SPAG1: variants seen among roughly 807,000 people sequenced by gnomAD.
SPAG1 encodes the protein sperm-associated antigen 1.
A neutral mutation model predicts 100.5 loss-of-function variants in SPAG1; 69 were observed. The observed-to-expected ratio is 0.69, with a 90% CI of 0.57 to 0.84. The LOEUF is 0.84. Among genes scored for constraint, SPAG1 ranks in the 40% least tolerant of loss-of-function variants. SPAG1 has a pLI of 0.00. For synonymous variants in SPAG1, 336 were observed against 411.6 expected, an observed-to-expected ratio of 0.82 and a Z score of 2.22; for missense variants, 955 against 1,133.1, an observed-to-expected ratio of 0.84 and a Z score of 2.26.
At chr8:100,176,967 T>G (rs1816158741) in intron 3 of SPAG1, among the ~76,000 whole-genome samples, 1 of 151,416 alleles carries the variant, frequency 6.6e-6, no homozygotes, top group Non-Finnish European at 1.5e-5. Context: ...TTTCTTTCTT[T>G]TTTTTCAATG....
chr8:100,169,496 T>A (rs1462902794), intron 3 of SPAG1, among the ~76,000 whole-genome samples: 2 of 152,180 alleles, frequency 1.3e-5, no homozygotes. Context: ...TCCAGCACTT[T>A]GGGAGGCTGA....
intron 15 of SPAG1, chr8:100,233,030 A>T (rs1818848151): frequency 3.7e-6 from 1 of 270,356 alleles, no homozygotes; most frequent in South Asian, 3.7e-5. Context: ...TCTTAACTTC[A>T]TACTCTGGAT....
At chr8:100,170,020 C>T (rs2132214695) in intron 3 of SPAG1, among the ~76,000 whole-genome samples, 1 of 151,520 alleles carries the variant, frequency 6.6e-6, no homozygotes, top group Admixed American at 6.6e-5. Context: ...ACAAGTCTTC[C>T]ACCTTTGTTC....
In SPAG1 at chr8:100,240,973, A is replaced by G. The variant is rs1369047132; in HGVS notation, c.2732A>G (p.His911Arg). The change falls in exon 19 of 19, where the codon CAT becomes CGT. Residue 911 changes from histidine (H) to arginine (R), a missense_variant. Transcript: ENST00000388798. ...GACCTTTCGGACACACCAAACAACC[A>G]TTTTACTTTAGAAGATATACAGGCC... is the stretch of plus-strand genomic sequence containing the variant. ...FEDLSDTPNN[H>R]FTLEDIQALK... The G allele has an allele frequency of 3.7e-6, 6 of 1,613,228 alleles. No individual in the cohort carries two copies. In the African/African-American group the frequency reaches 5.4e-5, roughly 14 times the overall value.
At chr8:100,210,421 G>C (rs955695378) in intron 10 of SPAG1, among the ~76,000 whole-genome samples, 2 of 152,072 alleles carry the variant, frequency 1.3e-5, no homozygotes, top group Non-Finnish European at 2.9e-5. Context: ...ATTTTGCTGA[G>C]GATTTTTGGT....
intron 15 of SPAG1, 116 bp from the exon 16 acceptor site, chr8:100,233,295 G>A (rs1818859801): frequency 1.2e-5 from 13 of 1,112,396 alleles, no homozygotes; most frequent in African/African-American, 1.6e-5. Context: ...AATGGAAACC[G>A]CAGTGGTATA....
chr8:100,217,225 G>A (rs7823014), intron 12 of SPAG1, among the ~76,000 whole-genome samples: 26,424 of 152,108 alleles, frequency 0.17, 2,531 homozygotes, highest in South Asian at 0.24. Context: ...ACAGGGATGA[G>A]CCACTGTGCC....
Position 100,220,449 on chromosome 8 carries a change from G to A in SPAG1, c.1688+18G>A. 6.3e-7 allele frequency: 1 copy of A among 1,598,090 alleles called. No homozygotes were observed. The highest frequency in any genetic ancestry group is 8.5e-7 in the Non-Finnish European group (1 of 1,173,734). On this transcript the variant is annotated intron_variant, in intron 13 of 18. Transcript: ENST00000388798. ...GTTAACAGGTAATTAATCTGAGGCA[G>A]CTACCTAAAATCTAGTTGTTTTATA...
intron 10 of SPAG1, among the ~76,000 whole-genome samples, chr8:100,201,222 A>G (rs1198543762): frequency 1.3e-5 from 2 of 152,010 alleles, no homozygotes; most frequent in Non-Finnish European, 2.9e-5. Flanking sequence ...GGCTCAAGTG[A>G]TCCTCCTACC....
chr8:100,164,876 T>C (rs1815480335), intron 2 of SPAG1, among the ~76,000 whole-genome samples: 1 of 152,264 alleles, frequency 6.6e-6, no homozygotes, highest in South Asian at 2.1e-4. Flanking sequence ...TTTATATTTT[T>C]AACTCAGACA....
At chr8:100,231,543 C>T (rs1389158121) in intron 15 of SPAG1, among the ~76,000 whole-genome samples, 1 of 152,144 alleles carries the variant, frequency 6.6e-6, no homozygotes, top group African/African-American at 2.4e-5. Context: ...TTCCCAAAAG[C>T]GACCATGGCT....
Position 100,199,109 on chromosome 8 carries a change from T to C in SPAG1, c.1096+4841T>C, listed in dbSNP as rs183897223. Among the ~76,000 whole-genome samples, 792 of 152,360 alleles carry C rather than the reference T, an allele frequency of 5.2e-3. 10 individuals are homozygous for C. Among genetic ancestry groups the C allele is most frequent in the African/African-American group, 0.018 (741 of 41,584 alleles). On this transcript the variant is annotated intron_variant, in intron 10 of 18. Transcript: ENST00000388798. The stretch of plus-strand genomic sequence containing the variant: ...ATGTACAGATTTTTGTTTGAACAGA[T>C]GTTTTAGATTTTCTTGTGCATTATT...
intron 10 of SPAG1, among the ~76,000 whole-genome samples, chr8:100,211,008 T>A (rs1466291200): frequency 6.6e-6 from 1 of 151,978 alleles, no homozygotes; most frequent in Non-Finnish European, 1.5e-5. Flanking sequence ...TTTGTATTTT[T>A]AGTAGAGACA....
intron 16 of SPAG1, among the ~76,000 whole-genome samples, chr8:100,233,877 G>A (rs1344530189): frequency 1.3e-5 from 2 of 152,158 alleles, no homozygotes; most frequent in South Asian, 2.1e-4. Context: ...TGGTTCCTCC[G>A]GCAAGGATTG....
At chr8:100,162,086 TG>T (rs1815332781) in intron 1 of SPAG1, among the ~76,000 whole-genome samples, 192 bp from the exon 2 acceptor site, 1 of 152,156 alleles carries the variant, frequency 6.6e-6, no homozygotes, top group Non-Finnish European at 1.5e-5. Context: ...CCCAGCACTC[TG>T]GGAGGCTGAA....
intron 6 of SPAG1, 66 bp downstream of exon 6, chr8:100,184,128 AT>A (rs1816487779): frequency 2.9e-6 from 2 of 696,592 alleles, no homozygotes; most frequent in African/African-American, 3.8e-5. Context: ...AAAAGTGTCA[AT>A]CTAGAAGACA....
chr8:100,228,432 G>T (rs1442591927), intron 14 of SPAG1, among the ~76,000 whole-genome samples: 1 of 133,956 alleles, frequency 7.5e-6, no homozygotes, highest in East Asian at 2.2e-4. Context: ...AAAAAAATTG[G>T]CTGGGTGCGG....
chr8:100,167,712 A>G lies in SPAG1; in HGVS notation c.300+1739A>G, dbSNP rs531743288. ...TTTATTGAGATAAAATTTACATTCC[A>G]TATAAATTACCAACTTTATAGTGTA... On this transcript the variant is annotated intron_variant, in intron 3 of 18. Coordinates refer to ENST00000388798, the MANE Select transcript of SPAG1 (RefSeq NM_003114.5). Among the ~76,000 whole-genome samples the G allele has an allele frequency of 1.5e-4, 23 of 152,328 alleles. No homozygotes were observed. The East Asian group carries it at 4.0e-3, about 27-fold the overall frequency.
chr8:100,225,410 G>T, intron 14 of SPAG1, 71 bp downstream of exon 14: 2 of 1,352,452 alleles, frequency 1.5e-6, no homozygotes, highest in Non-Finnish European at 2.1e-6. Flanking sequence ...CAGTAAAGCA[G>T]AGAGATAAGA....
Sources: allele counts gnomAD v4.1 joint callset (sites outside exome capture counted in the v4.1 genomes callset), GRCh38; gene constraint gnomAD v4.1.1; transcripts MANE v1.5; gene names NCBI Gene and HGNC (gene_info 2026-07-23, HGNC 2026-07-21).